Variants in NDST4 observed in about 807,000 individuals in gnomAD.
The protein encoded by NDST4 is N-deacetylase and N-sulfotransferase 4, also known as N-heparan sulfate sulfotransferase 4.
In NDST4, 63 loss-of-function variants were observed where a neutral mutation model predicts 100.8. The ratio of observed to expected loss-of-function variants is 0.62; its 90% CI spans 0.51 to 0.77. NDST4 has a LOEUF of 0.77. Ranked by LOEUF, NDST4 falls within the 30% of genes least tolerant of loss-of-function variation. NDST4 has a pLI of 0.00. For synonymous variants in NDST4, 377 were observed against 361.8 expected (o/e 1.04, Z -0.48); for missense variants, 943 against 1,018.4 (o/e 0.93, Z 1.01).
chr4:115,041,966 T>C (rs778402941), intron 2 of NDST4, among the ~76,000 whole-genome samples: 1 of 152,116 alleles, frequency 6.6e-6, no homozygotes, highest in Non-Finnish European at 1.5e-5. Context: ...GTTCATCATA[T>C]GCCAACTTCT....
intron 6 of NDST4, among the ~76,000 whole-genome samples, chr4:114,928,326 A>G (rs1040183648): frequency 6.6e-6 from 1 of 152,210 alleles, no homozygotes; most frequent in Non-Finnish European, 1.5e-5. Context: ...AACTTAAAAT[A>G]GTAACTCATC....
At chr4:115,064,190 A>G (rs1199123695) in intron 2 of NDST4, among the ~76,000 whole-genome samples, 1 of 152,070 alleles carries the variant, frequency 6.6e-6, no homozygotes, top group East Asian at 1.9e-4. Flanking sequence ...TTTAAAAATT[A>G]ATAGCTGGTT....
At chr4:114,831,250 C>T (rs1723191854) in intron 12 of NDST4, among the ~76,000 whole-genome samples, 1 of 151,000 alleles carries the variant, frequency 6.6e-6, no homozygotes, top group Admixed American at 6.6e-5. Flanking sequence ...GACGGGGTTT[C>T]ACCTTGTTAG....
At chr4:114,908,527 C>T (rs1433296210) in intron 6 of NDST4, among the ~76,000 whole-genome samples, 1 of 133,578 alleles carries the variant, frequency 7.5e-6, no homozygotes, top group Non-Finnish European at 1.5e-5. Context: ...ATATAAAATG[C>T]TTGGCCCTTC....
At chr4:114,972,166 AAC>A (rs1476949359) in intron 3 of NDST4, among the ~76,000 whole-genome samples, 3 of 152,076 alleles carry the variant, frequency 2.0e-5, no homozygotes, top group Non-Finnish European at 4.4e-5. Flanking sequence ...CTTGTACTGT[AAC>A]ACGCCACTTA....
chr4:115,002,527 T>C (rs1479839703), intron 2 of NDST4, among the ~76,000 whole-genome samples: 2 of 152,184 alleles, frequency 1.3e-5, no homozygotes, highest in Admixed American at 6.6e-5. Flanking sequence ...ATTTGGGCTT[T>C]TGTTGCAATT....
chr4:114,866,717 T>G (rs1166389541), intron 7 of NDST4, among the ~76,000 whole-genome samples: 4 of 152,154 alleles, frequency 2.6e-5, no homozygotes, highest in Non-Finnish European at 5.9e-5. Context: ...TGCAGTAATA[T>G]AATTATAAAT....
At chr4:114,934,664 A>G (rs1381604469) in intron 6 of NDST4, among the ~76,000 whole-genome samples, 4 of 152,062 alleles carry the variant, frequency 2.6e-5, no homozygotes, top group Non-Finnish European at 5.9e-5. Context: ...AAAGGAACAA[A>G]GTTCCAGTTA....
chr4:114,976,087 G>A (rs1726627878), intron 3 of NDST4, among the ~76,000 whole-genome samples: 1 of 151,926 alleles, frequency 6.6e-6, no homozygotes, highest in African/African-American at 2.4e-5. Flanking sequence ...TCAAGGAAAA[G>A]CCAATAAGAC....
At chr4:114,871,659 A>T (rs72679781) in intron 6 of NDST4, among the ~76,000 whole-genome samples, 11,737 of 152,114 alleles carry the variant, frequency 0.077, 523 homozygotes, top group East Asian at 0.13. Flanking sequence ...GCAGGGATTT[A>T]AAAAATACTA....
intron 1 of NDST4, among the ~76,000 whole-genome samples, chr4:115,084,357 T>A (rs1045495940): frequency 6.6e-6 from 1 of 152,172 alleles, no homozygotes; most frequent in African/African-American, 2.4e-5. Context: ...TGCAGCCCGA[T>A]GATGCAGTAG....
chr4:115,070,386 G>A (rs895177221), intron 2 of NDST4, among the ~76,000 whole-genome samples: 12 of 152,088 alleles, frequency 7.9e-5, no homozygotes, highest in Admixed American at 4.6e-4. Flanking sequence ...CACATAGAAG[G>A]GAATGACAGA....
intron 2 of NDST4, among the ~76,000 whole-genome samples, chr4:115,005,107 A>G (rs1272987201): frequency 6.6e-6 from 1 of 152,194 alleles, no homozygotes; most frequent in Non-Finnish European, 1.5e-5. Context: ...TTGTCACTAT[A>G]CTGCCTACAA....
At chr4:115,035,655 T>C (rs1728216942) in intron 2 of NDST4, among the ~76,000 whole-genome samples, 1 of 152,082 alleles carries the variant, frequency 6.6e-6, no homozygotes, top group African/African-American at 2.4e-5. Context: ...TAAGAGAACA[T>C]AATGCAATCT....
At chr4:115,028,701 T>G (rs146809123) in intron 2 of NDST4, among the ~76,000 whole-genome samples, 5 of 151,994 alleles carry the variant, frequency 3.3e-5, no homozygotes, top group Non-Finnish European at 7.4e-5. Flanking sequence ...ATAATAAAAA[T>G]TGAAAAGACT....
At position 114,833,387 on chromosome 4, in the gene NDST4, GA is replaced by G. The variant is rs150791880; in HGVS notation, c.2396+218del. Among the ~76,000 whole-genome samples the G allele has an allele frequency of 8.3e-3, 1,261 of 152,138 alleles. 16 individuals are homozygous for G. Among genetic ancestry groups the G allele is most frequent in the African/African-American group, 0.029 (1,202 of 41,504 alleles). On this transcript the variant is annotated intron_variant, in intron 12 of 13. Coordinates refer to ENST00000264363, the MANE Select transcript of NDST4 (RefSeq NM_022569.3). ...TAACAGGGAAAACTCACAAAAAGAA[GA>G]ATTTGCAATAATATAACATATACTT...
At chr4:115,034,225 T>A (rs1408179048) in intron 2 of NDST4, among the ~76,000 whole-genome samples, 1 of 152,068 alleles carries the variant, frequency 6.6e-6, no homozygotes, top group Non-Finnish European at 1.5e-5. Flanking sequence ...AAGGCACCAG[T>A]GGAAATACAG....
chr4:115,079,313 C>G (rs1460008957), intron 1 of NDST4, among the ~76,000 whole-genome samples: 1 of 149,614 alleles, frequency 6.7e-6, no homozygotes, highest in East Asian at 2.0e-4. Context: ...GATCACACAA[C>G]TGCATGCCAG....
At chr4:114,966,222 C>T (rs1393184445) in intron 4 of NDST4, among the ~76,000 whole-genome samples, 1 of 151,962 alleles carries the variant, frequency 6.6e-6, no homozygotes, top group Non-Finnish European at 1.5e-5. Flanking sequence ...CCACTGCATA[C>T]ATTGGTGCTC....
Sources: allele counts gnomAD v4.1 joint callset (sites outside exome capture counted in the v4.1 genomes callset), GRCh38; gene constraint gnomAD v4.1.1; transcripts MANE v1.5; gene names NCBI Gene and HGNC (gene_info 2026-07-23, HGNC 2026-07-21).